The following TBC1D30 variants were observed in gnomAD, a reference collection of about 807,000 sequenced individuals.
The protein encoded by TBC1D30 is TBC1 domain family, member 30.
A neutral mutation model predicts 63.2 loss-of-function variants in TBC1D30; 31 were observed. That is an observed-to-expected ratio of 0.49 (90% CI 0.37 to 0.66). The LOEUF is 0.66. TBC1D30 is among the 30% of genes least tolerant of loss of function. TBC1D30 has a pLI of 0.00. For missense variants in TBC1D30, 810 were observed against 953.6 expected (o/e 0.85, Z 1.98); for synonymous variants, 307 against 361.5 (o/e 0.85, Z 1.71).
intron 2 of TBC1D30, among the ~76,000 whole-genome samples, chr12:64,805,410 G>GA (rs1872803437): frequency 6.6e-6 from 1 of 152,170 alleles, no homozygotes; most frequent in East Asian, 1.9e-4. Context: ...CTAAATTTGT[G>GA]AACAGTATTG....
intron 8 of TBC1D30, among the ~76,000 whole-genome samples, chr12:64,854,379 T>C (rs989813471): frequency 3.3e-5 from 5 of 152,228 alleles, no homozygotes; most frequent in Non-Finnish European, 5.9e-5. Flanking sequence ...AACTCCATAC[T>C]TTAACTTTGT....
chr12:64,848,471 G>A (rs574611560), intron 8 of TBC1D30, among the ~76,000 whole-genome samples: 1 of 152,108 alleles, frequency 6.6e-6, no homozygotes, highest in East Asian at 1.9e-4. Context: ...TCCCCTCCCT[G>A]TGTCCATGTG....
At chr12:64,780,703 C>G in exon 1 of TBC1D30, 1 of 966,174 alleles carries the variant, frequency 1.0e-6, no homozygotes, top group Non-Finnish European at 1.2e-6. Flanking sequence ...GCGCCGCGCC[C>G]GGGAGGGCAC....
chr12:64,869,849 C>T (rs1878515771), intron 10 of TBC1D30, among the ~76,000 whole-genome samples: 1 of 152,262 alleles, frequency 6.6e-6, no homozygotes, highest in South Asian at 2.1e-4. Context: ...TAGTTGGAGT[C>T]TCTCAGTCTT....
intron 2 of TBC1D30, chr12:64,818,414 A>G: frequency 2.0e-6 from 2 of 984,126 alleles, no homozygotes; most frequent in Non-Finnish European, 2.4e-6. Flanking sequence ...TGTCCTTGTC[A>G]CTACTCACTC....
chr12:64,838,087 T>A (rs1217751167), intron 6 of TBC1D30, among the ~76,000 whole-genome samples: 1 of 152,216 alleles, frequency 6.6e-6, no homozygotes, highest in Non-Finnish European at 1.5e-5. Context: ...CTATGTTTTT[T>A]AATAAATTTA....
At chr12:64,857,047 T>C (rs1877366940) in intron 8 of TBC1D30, among the ~76,000 whole-genome samples, 5 of 152,102 alleles carry the variant, frequency 3.3e-5, no homozygotes. Flanking sequence ...AGCCTGGGCC[T>C]GGACTCAGAG....
intron 1 of TBC1D30, among the ~76,000 whole-genome samples, chr12:64,766,011 C>T (rs1328119815): frequency 1.3e-5 from 2 of 151,304 alleles, no homozygotes; most frequent in African/African-American, 4.9e-5. Flanking sequence ...TACCCTGTCT[C>T]AAAAATAAAT....
intron 9 of TBC1D30, 75 bp downstream of exon 9, chr12:64,864,855 T>G: frequency 9.7e-7 from 1 of 1,033,820 alleles, no homozygotes. Flanking sequence ...AAATTAATAT[T>G]TATGAAGCCC....
chr12:64,866,844 T>C lies in TBC1D30; in HGVS notation c.1232T>C (p.Leu411Pro). ...EDAVVNAVGC[L>P]GPFSGFLAPE... Reference sequence around the variant, plus strand: ...GCTGTCGTTAATGCAGTGGGGTGTCTTGGACCTTTTAGTGGGTTCCTGGCT... The same window carrying C: ...GCTGTCGTTAATGCAGTGGGGTGTCCTGGACCTTTTAGTGGGTTCCTGGCT... Residue 411 changes from leucine to proline, a missense_variant, in exon 10 of 12, where the codon CTT becomes CCT. Around this residue, in one of 4 missense-constraint regions of TBC1D30, gnomAD observed 450 missense variants for 473.0 expected, o/e 0.95. Transcript: ENST00000539867. 6.5e-7 allele frequency: 1 copy of C among 1,536,412 alleles called. No homozygotes were observed. The highest frequency in any genetic ancestry group is 8.7e-7 in the Non-Finnish European group (1 of 1,146,968).
intron 8 of TBC1D30, among the ~76,000 whole-genome samples, chr12:64,850,736 T>C (rs1421554922): frequency 2.0e-5 from 3 of 152,176 alleles, no homozygotes; most frequent in Non-Finnish European, 4.4e-5. Context: ...TGAAATTTTC[T>C]TTTTTTGTTG....
chr12:64,831,459 T>TA (rs141119154), intron 4 of TBC1D30, among the ~76,000 whole-genome samples: 4,603 of 152,312 alleles, frequency 0.03, 212 homozygotes, highest in African/African-American at 0.11. Context: ...ACAATCATCT[T>TA]TTAAGAGTAT....
intron 2 of TBC1D30, among the ~76,000 whole-genome samples, chr12:64,791,111 G>A (rs1871893213): frequency 6.6e-6 from 1 of 152,166 alleles, no homozygotes; most frequent in Admixed American, 6.5e-5. Flanking sequence ...AGCCATAAAA[G>A]AATGAAGTAT....
chr12:64,803,266 C>T lies in TBC1D30; in HGVS notation c.643+17221C>T, dbSNP rs545568245. On this transcript the variant is annotated intron_variant, in intron 2 of 12. Transcript: ENST00000542120. ...TGGCTAGCGATGATGAGCATTTTTT[C>T]ATGTGTCTGTTGGCTGCATAAATGT... is the stretch of plus-strand genomic sequence containing the variant. 2.6e-5 allele frequency among the ~76,000 whole-genome samples: 4 copies of T among 152,282 alleles called. No homozygotes were observed. In the South Asian group the frequency reaches 8.3e-4, roughly 32 times the overall value.
At chr12:64,831,099 G>C (rs1009595288) in intron 4 of TBC1D30, among the ~76,000 whole-genome samples, 1 of 152,136 alleles carries the variant, frequency 6.6e-6, no homozygotes, top group Non-Finnish European at 1.5e-5. Context: ...CATGGTTTTT[G>C]ATTTTATATG....
chr12:64,786,868 G>C (rs893302648), intron 2 of TBC1D30, among the ~76,000 whole-genome samples: 1 of 151,768 alleles, frequency 6.6e-6, no homozygotes, highest in African/African-American at 2.4e-5. Flanking sequence ...ACTTGAACCT[G>C]GGAGGCAGAG....
At chr12:64,766,417 A>G (rs902573712) in intron 1 of TBC1D30, among the ~76,000 whole-genome samples, 4 of 152,200 alleles carry the variant, frequency 2.6e-5, no homozygotes, top group South Asian at 4.1e-4. Context: ...AATAAAGAAA[A>G]GTAGACTTTA....
At chr12:64,854,726 A>C (rs1455006051) in intron 8 of TBC1D30, among the ~76,000 whole-genome samples, 1 of 152,060 alleles carries the variant, frequency 6.6e-6, no homozygotes, top group Non-Finnish European at 1.5e-5. Flanking sequence ...CGCTCTCCTG[A>C]CCTTGTGATC....
intron 4 of TBC1D30, 75 bp from the exon 5 acceptor site, chr12:64,832,044 G>T: frequency 7.4e-7 from 1 of 1,352,796 alleles, no homozygotes; most frequent in South Asian, 1.8e-5. Flanking sequence ...TGTTTATTGA[G>T]TCAAAAAAAA....
Sources: allele counts gnomAD v4.1 joint callset (sites outside exome capture counted in the v4.1 genomes callset), GRCh38; gene constraint gnomAD v4.1.1; regional missense constraint gnomAD v4.1.1; transcripts MANE v1.5; gene names NCBI Gene and HGNC (gene_info 2026-07-23, HGNC 2026-07-21).